Variants in SEMA3C observed in about 807,000 individuals in gnomAD.
SEMA3C encodes semaphorin-3C.
In SEMA3C, 47 loss-of-function variants were observed where a neutral mutation model predicts 89.4. That is an observed-to-expected ratio of 0.53 (90% CI 0.42 to 0.67). SEMA3C has a LOEUF of 0.67. SEMA3C is among the 30% of genes least tolerant of loss of function. The pLI is 0.00. For synonymous variants in SEMA3C, 310 were observed against 320.2 expected, an observed-to-expected ratio of 0.97 and a Z score of 0.34; for missense variants, 839 against 929.1, an observed-to-expected ratio of 0.90 and a Z score of 1.26.
chr7:80,804,144 T>C lies in SEMA3C; in HGVS notation c.763A>G (p.Thr255Ala), dbSNP rs1376082985. The change falls in exon 8 of 18, where the codon ACG becomes GCG. Residue 255 changes from threonine (T) to alanine (A), a missense_variant. Thr to Ala is a moderately conservative substitution (Grantham distance 58). Coordinates refer to ENST00000265361, the MANE Select transcript of SEMA3C (RefSeq NM_006379.5). ...KEKLTDNNRS[T>A]KQIHSMIARI... ...GCAATCATGGAATGAATCTGTTTCG[T>C]GCTCCTGTTATTGTCAGTCAGTTTT... 6.2e-7 allele frequency: 1 copy of C among 1,612,886 alleles called. No individual in the cohort carries two copies. The highest frequency in any genetic ancestry group is 8.5e-7 in the Non-Finnish European group (1 of 1,179,272).
At chr7:80,790,688 T>C (rs1788916881) in intron 11 of SEMA3C, among the ~76,000 whole-genome samples, 2 of 152,220 alleles carry the variant, frequency 1.3e-5, no homozygotes, top group Admixed American at 1.3e-4. Flanking sequence ...AGTGATGACA[T>C]ATAAAAGTAG....
At chr7:80,837,394 G>T (rs1329182961) in intron 2 of SEMA3C, among the ~76,000 whole-genome samples, 1 of 152,166 alleles carries the variant, frequency 6.6e-6, no homozygotes, top group African/African-American at 2.4e-5. Flanking sequence ...CTAGAGTGAT[G>T]CGAAAATAAT....
intron 16 of SEMA3C, among the ~76,000 whole-genome samples, chr7:80,749,347 C>T (rs1335230551): frequency 2.0e-5 from 3 of 152,056 alleles, no homozygotes; most frequent in African/African-American, 7.2e-5. Flanking sequence ...ATACTCCTGG[C>T]CACATTTTCT....
chr7:80,754,526 C>G (rs114122122), intron 15 of SEMA3C, among the ~76,000 whole-genome samples: 1 of 151,274 alleles, frequency 6.6e-6, no homozygotes, highest in African/African-American at 2.4e-5. Flanking sequence ...ATGAAAAACT[C>G]ATATGGGAAT....
At chr7:80,890,762 T>C (rs1167398445) in intron 2 of SEMA3C, among the ~76,000 whole-genome samples, 1 of 152,214 alleles carries the variant, frequency 6.6e-6, no homozygotes, top group Admixed American at 6.5e-5. Context: ...TCCTAGCTAA[T>C]ATGATATTAT....
intron 12 of SEMA3C, among the ~76,000 whole-genome samples, chr7:80,772,932 A>T (rs1322472346): frequency 6.6e-6 from 1 of 152,146 alleles, no homozygotes; most frequent in African/African-American, 2.4e-5. Context: ...TTTACTAAAA[A>T]TACAGATGCT....
At chr7:80,837,104 T>C (rs552506344) in intron 2 of SEMA3C, among the ~76,000 whole-genome samples, 7 of 152,280 alleles carry the variant, frequency 4.6e-5, no homozygotes, top group African/African-American at 1.7e-4. Flanking sequence ...ATTTTCACTA[T>C]GAAATAAAAT....
chr7:80,850,340 A>T (rs966154731), intron 2 of SEMA3C, among the ~76,000 whole-genome samples: 2 of 152,210 alleles, frequency 1.3e-5, no homozygotes, highest in African/African-American at 4.8e-5. Context: ...CAGCAGTCTT[A>T]TTCATGATAG....
chr7:80,876,306 T>C (rs1388413435), intron 2 of SEMA3C, among the ~76,000 whole-genome samples: 3 of 152,224 alleles, frequency 2.0e-5, no homozygotes, highest in Admixed American at 6.5e-5. Context: ...TTTGCATACT[T>C]AAGCATTTAA....
intron 2 of SEMA3C, among the ~76,000 whole-genome samples, chr7:80,862,590 C>A (rs377173732): frequency 1.3e-5 from 2 of 152,058 alleles, no homozygotes; most frequent in East Asian, 3.9e-4. Context: ...AGAAAAAACA[C>A]AATTCTAAAA....
chr7:80,786,790 T>G (rs1390014475), intron 12 of SEMA3C, among the ~76,000 whole-genome samples: 1 of 152,236 alleles, frequency 6.6e-6, no homozygotes, highest in Non-Finnish European at 1.5e-5. Context: ...TACTGTGATA[T>G]GCCTAGAGAG....
At chr7:80,831,635 A>G (rs1315396820) in intron 2 of SEMA3C, among the ~76,000 whole-genome samples, 1 of 152,216 alleles carries the variant, frequency 6.6e-6, no homozygotes, top group Non-Finnish European at 1.5e-5. Flanking sequence ...TAATTTGAGT[A>G]TGCAGGGTAA....
intron 5 of SEMA3C, 84 bp downstream of exon 5, chr7:80,818,215 T>C (rs1210758400): frequency 9.3e-5 from 117 of 1,261,300 alleles, no homozygotes; most frequent in South Asian, 1.2e-4. Flanking sequence ...AATATTGATA[T>C]GTCCAAGTTT....
At chr7:80,800,463 A>G (rs1006630593) in intron 10 of SEMA3C, among the ~76,000 whole-genome samples, 1 of 152,168 alleles carries the variant, frequency 6.6e-6, no homozygotes, top group African/African-American at 2.4e-5. Flanking sequence ...CAAGTGCTCA[A>G]ATTATTTTAT....
chr7:80,772,520 G>C (rs2117075405), intron 12 of SEMA3C, among the ~76,000 whole-genome samples: 1 of 152,212 alleles, frequency 6.6e-6, no homozygotes, highest in East Asian at 1.9e-4. Context: ...CTCAGCCCTG[G>C]GGGTATTAGA....
At chr7:80,803,391 C>T (rs988598497) in intron 8 of SEMA3C, among the ~76,000 whole-genome samples, 3 of 152,156 alleles carry the variant, frequency 2.0e-5, no homozygotes, top group Non-Finnish European at 4.4e-5. Flanking sequence ...GACTTCGCTG[C>T]CTTGTTGCAA....
chr7:80,880,973 C>T (rs1340176742), intron 2 of SEMA3C, among the ~76,000 whole-genome samples: 1 of 151,948 alleles, frequency 6.6e-6, no homozygotes, highest in Non-Finnish European at 1.5e-5. Flanking sequence ...GAAAGAAATA[C>T]CTCATCATAC....
At chr7:80,857,063 C>T (rs561265807) in intron 2 of SEMA3C, among the ~76,000 whole-genome samples, 24 of 152,262 alleles carry the variant, frequency 1.6e-4, no homozygotes, top group Admixed American at 5.2e-4. Flanking sequence ...CCAGTCACTA[C>T]GGTCCTAACC....
intron 11 of SEMA3C, chr7:80,796,374 T>G (rs1789064602): frequency 6.6e-6 from 1 of 152,250 alleles, no homozygotes; most frequent in Non-Finnish European, 1.5e-5. Flanking sequence ...CACTCCCCAG[T>G]CTTTTTTTGT....
Sources: allele counts gnomAD v4.1 joint callset (sites outside exome capture counted in the v4.1 genomes callset), GRCh38; gene constraint gnomAD v4.1.1; transcripts MANE v1.5; gene names NCBI Gene and HGNC (gene_info 2026-07-23, HGNC 2026-07-21).